Variants in TLE3 observed in about 807,000 individuals in gnomAD.
TLE3 encodes TLE family member 3, transcriptional corepressor, also known as transducin-like enhancer protein 3.
A neutral mutation model predicts 93.0 loss-of-function variants in TLE3; 14 were observed. That is an observed-to-expected ratio of 0.15 (90% CI 0.10 to 0.24). The LOEUF is 0.24. Ranked by LOEUF, TLE3 falls within the 10% of genes least tolerant of loss-of-function variation. TLE3 has a pLI of 1.00. For synonymous variants in TLE3, 451 were observed against 425.0 expected (o/e 1.06, Z -0.75); for missense variants, 693 against 1,046.6 (o/e 0.66, Z 4.66).
chr15:70,060,670 C>A, intron 8 of TLE3, 21 bp from the exon 9 acceptor site: 1 of 1,612,460 alleles, frequency 6.2e-7, no homozygotes, highest in South Asian at 1.1e-5. Flanking sequence ...AAAGAGGGTT[C>A]GGGGTTAAAA....
rs1442169528 is a variant in TLE3, at chr15:70,048,290, C to T, written c.*1807G>A. ...TTTTTTCTTCGGGAATAACTTTCTT[C>T]TACCCTCACCCTCCCTTCTGGCTAG... On this transcript the variant is annotated 3_prime_UTR_variant, in exon 20 of 20. Transcript: ENST00000451782. The T allele has an allele frequency of 6.6e-6, 1 of 152,178 alleles. No homozygotes were observed. The highest frequency in any genetic ancestry group is 1.5e-5 in the Non-Finnish European group (1 of 68,028). 9.4% of individuals were successfully genotyped at this position (152,178 alleles called of 1,614,324 possible).
At position 70,050,193 on chromosome 15, in the gene TLE3, G is replaced by C; in HGVS notation, c.2214C>G (p.Ser738=). 6.2e-7 allele frequency: 1 copy of C among 1,613,920 alleles called. No homozygotes were observed. The highest frequency in any genetic ancestry group is 8.5e-7 in the Non-Finnish European group (1 of 1,179,802). The change falls in exon 20 of 20, where the codon TCC becomes TCG. Residue 738 remains serine, a synonymous_variant. Coordinates refer to ENST00000451782, the MANE Select transcript of TLE3 (RefSeq NM_001105192.3). Reference sequence around the variant, plus strand: ...AAATGTCACAACTCAAGACAGACGAGGATTCTTTAGACTGGAGGAGGAAGA... The same window carrying C: ...AAATGTCACAACTCAAGACAGACGACGATTCTTTAGACTGGAGGAGGAAGA... ...YGASIFQSKE[S]SSVLSCDISA... is the part of the protein sequence containing the mutation.
chr15:70,075,102 C>T (rs2057374718), intron 5 of TLE3, among the ~76,000 whole-genome samples: 1 of 152,196 alleles, frequency 6.6e-6, no homozygotes, highest in African/African-American at 2.4e-5. Flanking sequence ...TATACCTTAT[C>T]CATACCTGTC....
At position 70,066,665 on chromosome 15, in the gene TLE3, C is replaced by A. The variant is rs573516914; in HGVS notation, c.373-447G>T. 1.8e-5 allele frequency: 3 copies of A among 163,586 alleles called. No individual in the cohort carries two copies. In the South Asian group the frequency reaches 4.5e-4, roughly 24 times the overall value. 10.1% of individuals were successfully genotyped at this position (163,586 alleles called of 1,614,324 possible). A position where few individuals can be genotyped will look rare whatever the true frequency, so the allele number is the denominator to read the frequency against. On this transcript the variant is annotated intron_variant, in intron 6 of 19. Transcript: ENST00000451782. ...GCATCTTCCACCCTGAGGCTGGACC[C>A]TGGGGAAGGCTCCTTATTTCTTAGG...
At chr15:70,094,957 A>G (rs1319528206) in intron 3 of TLE3, among the ~76,000 whole-genome samples, 1 of 152,238 alleles carries the variant, frequency 6.6e-6, no homozygotes, top group African/African-American at 2.4e-5. Context: ...AAAGCAGTGC[A>G]GGGAGCCGTG....
intron 4 of TLE3, among the ~76,000 whole-genome samples, chr15:70,082,704 TCTC>T (rs2057841568): frequency 6.6e-6 from 1 of 152,162 alleles, no homozygotes; most frequent in Non-Finnish European, 1.5e-5. Context: ...TGAGGATCTG[TCTC>T]CTCCGGAAGG....
At chr15:70,095,500 C>A in intron 3 of TLE3, 78 bp downstream of exon 3, 1 of 1,547,500 alleles carries the variant, frequency 6.5e-7, no homozygotes, top group South Asian at 1.2e-5. Flanking sequence ...ACCTGGCGCT[C>A]ATCTCCCCAG....
At chr15:70,079,243 C>A in intron 4 of TLE3, 1 of 379,580 alleles carries the variant, frequency 2.6e-6, no homozygotes. Flanking sequence ...GATGCAGAAC[C>A]TTCCACAAGC....
chr15:70,070,432 G>A (rs372411654), intron 6 of TLE3, among the ~76,000 whole-genome samples: 3 of 152,218 alleles, frequency 2.0e-5, no homozygotes, highest in East Asian at 1.9e-4. Flanking sequence ...CATTTCCAGA[G>A]CCAAGACCCG....
rs2058600782 is a variant in TLE3, at chr15:70,097,021, CCGGGGCCGGGCGG to C, written c.-236_-224del. The stretch of plus-strand genomic sequence containing the variant: ...CAGGCGGCAAAGTCGTCGGCGGGCG[CCGGGGCCGGGCGG>C]CGGGCGCGGGCTTTGTGCGCCTAGG... On this transcript the variant is annotated 5_prime_UTR_variant, in exon 1 of 20. Transcript: ENST00000451782. The C allele has an allele frequency of 3.4e-6, 2 of 588,554 alleles. No homozygotes were observed. Among genetic ancestry groups the C allele is most frequent in the African/African-American group, 2.0e-5 (1 of 49,680 alleles). The allele number at this position is 588,554 out of a possible 1,614,324, so 36.5% of individuals were successfully genotyped here. A position where few individuals can be genotyped will look rare whatever the true frequency, so the allele number is the denominator to read the frequency against.
At chr15:70,090,955 G>A (rs2058279471) in intron 4 of TLE3, among the ~76,000 whole-genome samples, 1 of 152,154 alleles carries the variant, frequency 6.6e-6, no homozygotes, top group African/African-American at 2.4e-5. Flanking sequence ...AGTAATTAAA[G>A]ACACAGAATA....
At position 70,063,270 on chromosome 15, in the gene TLE3, G is replaced by A. The variant is rs532044990; in HGVS notation, c.594+1184C>T. On this transcript the variant is annotated intron_variant, in intron 8 of 19. Transcript: ENST00000451782. The stretch of plus-strand genomic sequence containing the variant: ...CTTAAAATGTCCAATCCAGGCCTCC[G>A]CCTATCTAGGCAAACTGCCTCTCCG... 1.5e-3 allele frequency among the ~76,000 whole-genome samples: 233 copies of A among 152,298 alleles called. 1 individual carries two copies. The highest frequency in any genetic ancestry group is 5.4e-3 in the African/African-American group (225 of 41,554).
At chr15:70,057,128 G>A (rs2056111974) in intron 13 of TLE3, among the ~76,000 whole-genome samples, 1 of 152,194 alleles carries the variant, frequency 6.6e-6, no homozygotes, top group Admixed American at 6.5e-5. Flanking sequence ...CCTGCTCCAT[G>A]GACATCACCT....
intron 6 of TLE3, among the ~76,000 whole-genome samples, chr15:70,068,439 C>T (rs542484479): frequency 2.6e-5 from 4 of 152,192 alleles, no homozygotes; most frequent in Non-Finnish European, 5.9e-5. Flanking sequence ...AATGAGTCTC[C>T]AGTAGGGCCC....
chr15:70,049,394 T>TTCCA lies in TLE3; in HGVS notation c.*699_*702dup, dbSNP rs918083500. On this transcript the variant is annotated 3_prime_UTR_variant, in exon 20 of 20. Coordinates refer to ENST00000451782, the MANE Select transcript of TLE3 (RefSeq NM_001105192.3). ...CCAGACCCGTGTGGAGGCACACGCA[T>TTCCA]TCCAGCAGGCACCTTACGGCCAACC... The TTCCA allele has an allele frequency of 2.6e-5, 4 of 152,136 alleles. No homozygotes were observed. Among genetic ancestry groups the TTCCA allele is most frequent in the Admixed American group, 6.5e-5 (1 of 15,274 alleles). The allele number at this position is 152,136 out of a possible 1,614,324, so 9.4% of individuals were successfully genotyped here. A position where few individuals can be genotyped will look rare whatever the true frequency, so the allele number is the denominator to read the frequency against.
At chr15:70,088,878 G>A (rs1289271121) in intron 4 of TLE3, among the ~76,000 whole-genome samples, 1 of 143,972 alleles carries the variant, frequency 6.9e-6, no homozygotes, top group South Asian at 2.4e-4. Flanking sequence ...GCGGGCCCCC[G>A]CCCCCGCCCC....
At chr15:70,095,487 G>T in intron 3 of TLE3, 91 bp downstream of exon 3, 1 of 1,546,816 alleles carries the variant, frequency 6.5e-7, no homozygotes, top group Non-Finnish European at 8.7e-7. Flanking sequence ...GGCGGTGGTG[G>T]GGACCTGGCG....
intron 2 of TLE3, 61 bp from the exon 3 acceptor site, chr15:70,095,702 G>A (rs2058521238): frequency 6.5e-7 from 1 of 1,533,010 alleles, no homozygotes; most frequent in Non-Finnish European, 8.8e-7. Context: ...CTGAGGCCCC[G>A]ACCCAAGGGC....
rs903282867 is a variant in TLE3 at position 70,049,737 on chromosome 15, C to A, written c.*360G>T. 9.2e-6 allele frequency: 2 copies of A among 216,508 alleles called. No homozygotes were observed. Among genetic ancestry groups the A allele is most frequent in the Non-Finnish European group, 9.5e-6 (1 of 105,066 alleles). The allele number at this position is 216,508 out of a possible 1,614,324, so 13.4% of individuals were successfully genotyped here. ...ACATTGTGGTCCACTCCAGCACCCC[C>A]GACCCAAGGTGAGGGACAGGGCAAA... On this transcript the variant is annotated 3_prime_UTR_variant, in exon 20 of 20. Coordinates refer to ENST00000451782, the MANE Select transcript of TLE3 (RefSeq NM_001105192.3).
Sources: allele counts gnomAD v4.1 joint callset (sites outside exome capture counted in the v4.1 genomes callset), GRCh38; gene constraint gnomAD v4.1.1; transcripts MANE v1.5; gene names NCBI Gene and HGNC (gene_info 2026-07-23, HGNC 2026-07-21).